Variants in NRXN3 observed in about 807,000 individuals in gnomAD.
NRXN3 encodes the protein neurexin 3.
In NRXN3, 32 loss-of-function variants were observed where a neutral mutation model predicts 137.6. The ratio of observed to expected loss-of-function variants is 0.23; its 90% confidence interval spans 0.18 to 0.31. The LOEUF is 0.31. Among genes scored for constraint, NRXN3 ranks in the 10% least tolerant of loss-of-function variants. NRXN3 has a pLI of 1.00. For synonymous variants in NRXN3, 798 were observed against 784.5 expected (o/e 1.02, Z -0.29); for missense variants, 1,574 against 2,062.5 (o/e 0.76, Z 4.59).
intron 10 of NRXN3, among the ~76,000 whole-genome samples, chr14:78,899,031 G>T (rs1000894969): frequency 6.6e-6 from 1 of 151,954 alleles, no homozygotes; most frequent in Non-Finnish European, 1.5e-5. Context: ...CATTCTGCCT[G>T]TAAGCATAAT....
intron 19 of NRXN3, among the ~76,000 whole-genome samples, chr14:79,762,804 A>G (rs751779505): frequency 7.9e-5 from 12 of 151,858 alleles, no homozygotes; most frequent in Non-Finnish European, 1.5e-4. Flanking sequence ...AGAGAGAGGC[A>G]AAGTGATAGT....
Position 78,272,768 on chromosome 14 carries a change from T to C in NRXN3, c.710-5877T>C, listed in dbSNP as rs79465120. The stretch of plus-strand genomic sequence containing the variant: ...GTGCTGCTGAGTCTGAGAGGTATAA[T>C]CATAGTGCAACCTCTCTAGGTCTTA... On this transcript the variant is annotated intron_variant, in intron 2 of 20. Transcript: ENST00000335750. Among the ~76,000 whole-genome samples the C allele has an allele frequency of 8.3e-3, 1,270 of 152,290 alleles. 22 individuals carry two copies. Among genetic ancestry groups the C allele is most frequent in the African/African-American group, 0.029 (1,216 of 41,540 alleles).
At chr14:79,018,349 C>G (rs2099583394) in intron 15 of NRXN3, among the ~76,000 whole-genome samples, 2 of 144,190 alleles carry the variant, frequency 1.4e-5, no homozygotes, top group Non-Finnish European at 3.0e-5. Flanking sequence ...AAAAAAAATC[C>G]AAGAAACTCA....
In NRXN3 at chr14:78,243,512, A is replaced by T; in HGVS notation, c.419A>T (p.Tyr140Phe). The change falls in exon 2 of 21, where the codon TAC (tyrosine) becomes TTC (phenylalanine). Residue 140 changes from tyrosine to phenylalanine, a missense_variant. Transcript: ENST00000335750. The surrounding 1 kb of genome is among the most constrained non-coding windows in gnomAD (Gnocchi z 4.2). The stretch of plus-strand genomic sequence containing the variant: ...GGGGAGCTGCAGCCCCAGCGGCCCT[A>T]CATGGATGTGGTCAGTGACTTGTTC... ...QSGELQPQRP[Y>F]MDVVSDLFLG... 6.3e-7 allele frequency: 1 copy of T among 1,595,578 alleles called. No individual in the cohort carries two copies. Among genetic ancestry groups the T allele is most frequent in the Non-Finnish European group, 8.5e-7 (1 of 1,178,520 alleles).
At chr14:79,014,072 A>C (rs2099575314) in intron 15 of NRXN3, among the ~76,000 whole-genome samples, 1 of 152,148 alleles carries the variant, frequency 6.6e-6, no homozygotes, top group African/African-American at 2.4e-5. Context: ...AGAAGTAAAA[A>C]ACCTCTGTAT....
At chr14:79,392,409 T>G (rs2094877970) in intron 15 of NRXN3, among the ~76,000 whole-genome samples, 1 of 152,236 alleles carries the variant, frequency 6.6e-6, no homozygotes. Context: ...GCATTTGGGT[T>G]TGTTCCAAGT....
intron 15 of NRXN3, among the ~76,000 whole-genome samples, chr14:79,357,207 A>C (rs2093455542): frequency 6.6e-6 from 1 of 152,236 alleles, no homozygotes; most frequent in African/African-American, 2.4e-5. Context: ...ATTTCAACAG[A>C]AAACCATGTG....
intron 2 of NRXN3, among the ~76,000 whole-genome samples, chr14:78,261,982 A>G (rs1191186507): frequency 6.6e-6 from 1 of 152,214 alleles, no homozygotes; most frequent in Admixed American, 6.5e-5. Flanking sequence ...ACATAAACCA[A>G]TAAGTGTGTA....
chr14:78,534,913 A>C (rs534154359), intron 4 of NRXN3, among the ~76,000 whole-genome samples: 1 of 152,334 alleles, frequency 6.6e-6, no homozygotes, highest in African/African-American at 2.4e-5. Context: ...TTTGTACATT[A>C]ACAATAGTTT....
intron 15 of NRXN3, among the ~76,000 whole-genome samples, chr14:79,014,831 T>G (rs952491533): frequency 1.3e-5 from 2 of 152,192 alleles, no homozygotes; most frequent in Non-Finnish European, 2.9e-5. Flanking sequence ...TGGATTTTTG[T>G]TGCTTTCATC....
intron 10 of NRXN3, among the ~76,000 whole-genome samples, chr14:78,867,277 G>C (rs1210050299): frequency 6.6e-6 from 1 of 151,970 alleles, no homozygotes; most frequent in Non-Finnish European, 1.5e-5. Flanking sequence ...GGAACCCCAG[G>C]GTCTTGGTTT....
chr14:78,728,712 A>G (rs562149085), intron 8 of NRXN3, among the ~76,000 whole-genome samples: 32 of 152,224 alleles, frequency 2.1e-4, no homozygotes, highest in African/African-American at 7.2e-4. Context: ...CCTGGCCAAC[A>G]TAGTGAAAAC....
intron 8 of NRXN3, among the ~76,000 whole-genome samples, chr14:78,783,537 A>G (rs776034457): frequency 1.3e-5 from 2 of 152,156 alleles, no homozygotes; most frequent in Non-Finnish European, 2.9e-5. Context: ...TATTGAATCA[A>G]TGTATATTTG....
At chr14:79,824,652 AAGCACCCACTTCTAAATATC>A (rs1555772181) in intron 20 of NRXN3, among the ~76,000 whole-genome samples, 1 of 152,168 alleles carries the variant, frequency 6.6e-6, no homozygotes, top group Non-Finnish European at 1.5e-5. Flanking sequence ...TTAAAGATAA[AAGCACCCACTTCTAAATATC>A]AGCATTAGTA....
At chr14:79,516,409 C>T (rs1239363913) in intron 16 of NRXN3, among the ~76,000 whole-genome samples, 1 of 152,122 alleles carries the variant, frequency 6.6e-6, no homozygotes, top group Admixed American at 6.5e-5. Context: ...TAAAAATTGT[C>T]ACTGGCTGCT....
At chr14:78,455,130 G>A (rs1036724122) in intron 4 of NRXN3, among the ~76,000 whole-genome samples, 2 of 152,202 alleles carry the variant, frequency 1.3e-5, no homozygotes, top group Non-Finnish European at 2.9e-5. Flanking sequence ...GAGCATTGCC[G>A]TCTTTCTGGA....
chr14:78,778,743 T>TC, intron 8 of NRXN3, among the ~76,000 whole-genome samples: 1 of 144,324 alleles, frequency 6.9e-6, no homozygotes, highest in Non-Finnish European at 1.5e-5. Flanking sequence ...TCTCTCTTTC[T>TC]TTCTTTCCTT....
At chr14:79,694,490 C>A (rs1295894786) in intron 18 of NRXN3, among the ~76,000 whole-genome samples, 2 of 151,520 alleles carry the variant, frequency 1.3e-5, no homozygotes, top group South Asian at 2.1e-4. Flanking sequence ...TAAAATAGTT[C>A]TCAGATTAGG....
chr14:79,352,890 G>A (rs540789353), intron 15 of NRXN3, among the ~76,000 whole-genome samples: 1 of 152,040 alleles, frequency 6.6e-6, no homozygotes, highest in Non-Finnish European at 1.5e-5. Context: ...CAGAGTCTAC[G>A]TATTTAACTT....
Sources: allele counts gnomAD v4.1 joint callset (sites outside exome capture counted in the v4.1 genomes callset), GRCh38; gene constraint gnomAD v4.1.1; non-coding constraint Gnocchi (gnomAD v3.1); transcripts MANE v1.5; gene names NCBI Gene and HGNC (gene_info 2026-07-23, HGNC 2026-07-21).